CREBZF: variants seen among roughly 807,000 people sequenced by gnomAD.
CREBZF encodes CREB/ATF bZIP transcription factor, also known as HCF-binding transcription factor Zhangfei.
A neutral mutation model predicts 21.1 loss-of-function variants in CREBZF; 8 were observed. The observed-to-expected ratio is 0.38, with a 90% CI of 0.22 to 0.68. The LOEUF (loss-of-function observed/expected upper bound fraction) is 0.68, where lower values mean the gene tolerates loss of function less well. Ranked by LOEUF, CREBZF falls within the 30% of genes least tolerant of loss-of-function variation. The probability of loss-of-function intolerance (pLI) is 0.51; values close to 1 mark genes in which losing one functional copy is unlikely to be tolerated. For missense variants in CREBZF, 518 were observed against 484.3 expected, an observed-to-expected ratio of 1.07 and a Z score of -0.65; for synonymous variants, 270 against 223.3, an observed-to-expected ratio of 1.21 and a Z score of -1.86.
chr11:85,667,476 A>C (rs2082880855), upstream of CREBZF, among the ~76,000 whole-genome samples: 1 of 152,202 alleles, frequency 6.6e-6, no homozygotes, highest in Non-Finnish European at 1.5e-5. Flanking sequence ...TTTTTCTTTG[A>C]AGTAGGGAAA....
At position 85,661,960 on chromosome 11, in the gene CREBZF, T is replaced by TTATATATATATATATATATG. The variant is rs2082695143; in HGVS notation, c.*1831_*1850dup. The TTATATATATATATATATATG allele has an allele frequency of 1.4e-5, 2 of 145,776 alleles. No homozygotes were observed. Among genetic ancestry groups the TTATATATATATATATATATG allele is most frequent in the African/African-American group, 2.5e-5 (1 of 40,008 alleles). 9.0% of individuals were successfully genotyped at this position (145,776 alleles called of 1,614,324 possible). On this transcript the variant is annotated 3_prime_UTR_variant, in exon 1 of 1. Transcript: ENST00000527447. The stretch of plus-strand genomic sequence containing the variant: ...AATAATCTTTCCAACTACTTTTGGT[T>TTATATATATATATATATATG]TATATATATATATATATATGTATAT...
chr11:85,662,145 G>C lies in CREBZF; in HGVS notation c.*1666C>G. 2.2e-6 allele frequency: 1 copy of C among 458,170 alleles called. No individual in the cohort carries two copies. Among genetic ancestry groups the C allele is most frequent in the South Asian group, 2.6e-5 (1 of 37,908 alleles). 28.4% of individuals were successfully genotyped at this position (458,170 alleles called of 1,614,324 possible). A position where few individuals can be genotyped will look rare whatever the true frequency, so the allele number is the denominator to read the frequency against. On this transcript the variant is annotated 3_prime_UTR_variant, in exon 1 of 1. Coordinates refer to ENST00000527447, the MANE Select transcript of CREBZF (RefSeq NM_001039618.4). ...AGTAGATGATTTTACAAAATATGCT[G>C]TGATGCACTGGAAACCAAAGACCAA...
At chr11:85,680,859 T>C (rs796950792) in intron 1 of CREBZF, among the ~76,000 whole-genome samples, 18 of 152,326 alleles carry the variant, frequency 1.2e-4, no homozygotes, top group East Asian at 1.2e-3. Context: ...GCAGTCTAAA[T>C]AGATGTAGCA....
At chr11:85,676,034 G>A (rs1161061393) in intron 1 of CREBZF, among the ~76,000 whole-genome samples, 2 of 152,204 alleles carry the variant, frequency 1.3e-5, no homozygotes, top group Non-Finnish European at 2.9e-5. Context: ...AACTGAATGA[G>A]AATTATACTA....
intron 1 of CREBZF, among the ~76,000 whole-genome samples, chr11:85,672,879 G>A (rs984850858): frequency 1.3e-5 from 2 of 152,188 alleles, no homozygotes; most frequent in African/African-American, 2.4e-5. Context: ...AATCATTAGA[G>A]AGCCTATCTT....
In CREBZF at chr11:85,664,859, G is replaced by A. The variant is rs772476577; in HGVS notation, c.17C>T (p.Thr6Ile). 6.6e-6 allele frequency: 10 copies of A among 1,519,108 alleles called. No homozygotes were observed. The highest frequency in any genetic ancestry group is 8.8e-6 in the Non-Finnish European group (10 of 1,139,098). 94.1% of individuals were successfully genotyped at this position (1,519,108 alleles called of 1,614,324 possible). A position where few individuals can be genotyped will look rare whatever the true frequency, so the allele number is the denominator to read the frequency against. The change falls in exon 1 of 1, where the codon ACC (threonine) becomes ATC (isoleucine). Residue 6 changes from threonine (T) to isoleucine (I), a missense_variant. Thr to Ile is a moderately conservative substitution (Grantham distance 89). Transcript: ENST00000527447. This position sits in a 1 kb window ranked among gnomAD's most constrained non-coding sequence, Gnocchi z 5.5. The part of the protein sequence containing the change: MRHSL[T>I]KLLAASGSNS... The stretch of plus-strand genomic sequence containing the variant: ...GCTGCCCGAGGCTGCCAGCAGCTTG[G>A]TCAGGCTATGCCTCATGAGGGCCAG...
chr11:85,664,649 C>T lies in CREBZF; in HGVS notation c.227G>A (p.Arg76His). 6.2e-7 allele frequency: 1 copy of T among 1,605,704 alleles called. No homozygotes were observed. The highest frequency in any genetic ancestry group is 8.5e-7 in the Non-Finnish European group (1 of 1,175,858). ...GRGSRGGVAV[R>H]APSPEEMEEE... ...CTCCATCTCCTCGGGGGAGGGCGCGCGCACGGCCACGCCGCCGCGGCTCCC... is the reference window on the plus strand; with the variant it reads ...CTCCATCTCCTCGGGGGAGGGCGCGTGCACGGCCACGCCGCCGCGGCTCCC... The change falls in exon 1 of 1, where the codon CGC (arginine) becomes CAC (histidine). Residue 76 changes from arginine (R) to histidine (H), a missense_variant. By Grantham distance (29) the Arg-to-His change is conservative. Around this residue, in one of 3 missense-constraint regions of CREBZF, gnomAD observed 396 missense variants for 324.4 expected, o/e 1.22. Transcript: ENST00000527447. The surrounding 1 kb of genome is among the most constrained non-coding windows in gnomAD (Gnocchi z 5.5).
rs1450325630 is a variant in CREBZF, at chr11:85,662,507, A to G, written c.*1304T>C. On this transcript the variant is annotated 3_prime_UTR_variant, in exon 1 of 1. Coordinates refer to ENST00000527447, the MANE Select transcript of CREBZF (RefSeq NM_001039618.4). ...TGCTAAATACGTATATACTTTATCA[A>G]GCAGTGATGTTTCACAAAGAATTTC... 3.4e-5 allele frequency: 24 copies of G among 695,914 alleles called. No individual in the cohort carries two copies. Among genetic ancestry groups the G allele is most frequent in the Non-Finnish European group, 5.6e-5 (21 of 373,934 alleles). The allele number at this position is 695,914 out of a possible 1,614,324, so 43.1% of individuals were successfully genotyped here.
At position 85,662,953 on chromosome 11, in the gene CREBZF, T is replaced by C. The variant is rs2082727407; in HGVS notation, c.*858A>G. On this transcript the variant is annotated 3_prime_UTR_variant, in exon 1 of 1. Coordinates refer to ENST00000527447, the MANE Select transcript of CREBZF (RefSeq NM_001039618.4). ...TATGTATGTTAATTTCCAACTTCTC[T>C]AATGGTGAGACATTAAAATGTTACT... 1 of 157,402 alleles carries C rather than the reference T, an allele frequency of 6.4e-6. No homozygotes were observed. Among genetic ancestry groups the C allele is most frequent in the African/African-American group, 2.4e-5 (1 of 41,502 alleles). 9.8% of individuals were successfully genotyped at this position (157,402 alleles called of 1,614,324 possible). A position where few individuals can be genotyped will look rare whatever the true frequency, so the allele number is the denominator to read the frequency against.
rs2082614623 is a variant in CREBZF at position 85,659,504 on chromosome 11, G to C, written c.*4307C>G. 6.6e-6 allele frequency among the ~76,000 whole-genome samples: 1 copy of C among 152,018 alleles called. No individual in the cohort carries two copies. Among genetic ancestry groups the C allele is most frequent in the Non-Finnish European group, 1.5e-5 (1 of 67,908 alleles). The stretch of plus-strand genomic sequence containing the variant: ...ACAGGCACTGAATACACTTAAAATG[G>C]TAAGAAACTGAATGGATTTAATAAG... On this transcript the variant is annotated 3_prime_UTR_variant, in exon 1 of 1. Transcript: ENST00000527447.
rs1490076292 is a variant in CREBZF, at chr11:85,664,238, G to C, written c.638C>G (p.Ala213Gly). 3.7e-6 allele frequency: 6 copies of C among 1,612,728 alleles called. No individual in the cohort carries two copies. The highest frequency in any genetic ancestry group is 1.3e-5 in the African/African-American group (1 of 74,916). Residue 213 changes from alanine (A) to glycine (G), a missense_variant, in exon 1 of 1, where the codon GCG becomes GGG. Physicochemically the swap from Ala to Gly is moderately conservative, Grantham distance 60 (BLOSUM62 0). Transcript: ENST00000527447. The surrounding 1 kb of genome is among the most constrained non-coding windows in gnomAD (Gnocchi z 5.5). The stretch of plus-strand genomic sequence containing the variant: ...ATTAAGGCGGGCAGCGGCCGCCGCC[G>C]CCTTCCGGGGACTCTTTGTCGCCGC... ...NQAATKSPRK[A>G]AAAAARLNRL... is the part of the protein sequence containing the mutation.
upstream of CREBZF, among the ~76,000 whole-genome samples, chr11:85,666,116 T>C (rs2082858261): frequency 6.6e-6 from 1 of 152,256 alleles, no homozygotes; most frequent in Admixed American, 6.5e-5. Context: ...TAGTTTACTA[T>C]GGCATGCGTT....
At position 85,658,363 on chromosome 11, in the gene CREBZF, A is replaced by C. The variant is rs1035081826; in HGVS notation, c.*5448T>G. Among the ~76,000 whole-genome samples, 4 of 152,050 alleles carry C rather than the reference A, an allele frequency of 2.6e-5. No individual in the cohort carries two copies. The highest frequency in any genetic ancestry group is 9.7e-5 in the African/African-American group (4 of 41,450). ...GAGTTTACAATGGTTTCTGTAACCA[A>C]AAAGTATTTCTAATATCTGTCCTCT... On this transcript the variant is annotated 3_prime_UTR_variant, in exon 1 of 1. Coordinates refer to ENST00000527447, the MANE Select transcript of CREBZF (RefSeq NM_001039618.4).
chr11:85,666,969 T>C (rs1206180484), upstream of CREBZF, among the ~76,000 whole-genome samples: 3 of 152,242 alleles, frequency 2.0e-5, no homozygotes, highest in African/African-American at 7.2e-5. Context: ...AGGTGTTTTG[T>C]ATGGCTGGTA....
chr11:85,669,553 T>C (rs1335214942), upstream of CREBZF, among the ~76,000 whole-genome samples: 5 of 152,122 alleles, frequency 3.3e-5, no homozygotes, highest in Admixed American at 2.6e-4. Flanking sequence ...AGATAGCAAA[T>C]AGGAAAGTTT....
At chr11:85,668,978 G>A (rs1264543967), upstream of CREBZF, among the ~76,000 whole-genome samples, 3 of 103,280 alleles carry the variant, frequency 2.9e-5, no homozygotes, top group South Asian at 3.4e-4. Flanking sequence ...CTCCAGCCTG[G>A]GCGACAGAGC....
Position 85,660,692 on chromosome 11 carries a change from G to A in CREBZF, c.*3119C>T. The A allele has an allele frequency of 2.4e-6, 1 of 414,438 alleles. No individual in the cohort carries two copies. The highest frequency in any genetic ancestry group is 4.7e-6 in the Non-Finnish European group (1 of 210,832). 25.7% of individuals were successfully genotyped at this position (414,438 alleles called of 1,614,324 possible). ...ACACTTCTTGTTGGATTATATCAGA[G>A]GTGTGACTACATTTTAACAAAAGTG... On this transcript the variant is annotated 3_prime_UTR_variant, in exon 1 of 1. Coordinates refer to ENST00000527447, the MANE Select transcript of CREBZF (RefSeq NM_001039618.4).
chr11:85,663,717 A>G lies in CREBZF; in HGVS notation c.*94T>C. On this transcript the variant is annotated 3_prime_UTR_variant, in exon 1 of 1. Coordinates refer to ENST00000527447, the MANE Select transcript of CREBZF (RefSeq NM_001039618.4). Reference sequence around the variant, plus strand: ...TATTACTTTTTTTCTCTCCTCTGAAATGTGTCCGGTGAAGATGTCCCACTA... The same window carrying G: ...TATTACTTTTTTTCTCTCCTCTGAAGTGTGTCCGGTGAAGATGTCCCACTA... 6.3e-7 allele frequency: 1 copy of G among 1,599,506 alleles called. No individual in the cohort carries two copies. Among genetic ancestry groups the G allele is most frequent in the Non-Finnish European group, 8.5e-7 (1 of 1,172,920 alleles).
rs1267434674 is a variant in CREBZF at position 85,662,080 on chromosome 11, T to C, written c.*1731A>G. ...GTATAAGCAGGTTCATCACTCCAAT[T>C]TGTGAGTTTGGCTACTACCCATTCA... On this transcript the variant is annotated 3_prime_UTR_variant, in exon 1 of 1. Coordinates refer to ENST00000527447, the MANE Select transcript of CREBZF (RefSeq NM_001039618.4). 2 of 250,368 alleles carry C rather than the reference T, an allele frequency of 8.0e-6. No individual in the cohort carries two copies. The highest frequency in any genetic ancestry group is 4.4e-5 in the African/African-American group (2 of 44,948). The allele number at this position is 250,368 out of a possible 1,614,324, so 15.5% of individuals were successfully genotyped here.
Sources: gnomAD v4.1 joint callset for allele counts (sites outside exome capture counted in the v4.1 genomes callset) on GRCh38, gnomAD v4.1.1 for gene constraint, gnomAD v4.1.1 regional missense constraint, Gnocchi (gnomAD v3.1) non-coding constraint, MANE v1.5 for transcripts, NCBI Gene and HGNC (gene_info 2026-07-23, HGNC 2026-07-21) for gene names.